Variants in IPO7 observed in about 807,000 individuals in gnomAD.
IPO7 encodes importin-7.
Under a neutral mutation model 136.4 loss-of-function variants are expected in IPO7, and 13 were observed. The observed-to-expected ratio is 0.10, with a 90% confidence interval of 0.06 to 0.15. The LOEUF (loss-of-function observed/expected upper bound fraction) is 0.15. Among genes scored for constraint, IPO7 ranks in the 10% least tolerant of loss-of-function variants. IPO7 has a pLI of 1.00. For synonymous variants in IPO7, 403 were observed against 404.4 expected (o/e 1.00, Z 0.04); for missense variants, 857 against 1,240.6 (o/e 0.69, Z 4.65).
chr11:9,408,821 C>T (rs950768376), intron 3 of IPO7, among the ~76,000 whole-genome samples, 182 bp downstream of exon 3: 2 of 147,398 alleles, frequency 1.4e-5, no homozygotes, highest in Admixed American at 1.4e-4. Context: ...AAGCAATTCT[C>T]CTGCCTCTCA....
At chr11:9,405,343 T>G (rs1854867157) in intron 2 of IPO7, among the ~76,000 whole-genome samples, 1 of 151,922 alleles carries the variant, frequency 6.6e-6, no homozygotes, top group Non-Finnish European at 1.5e-5. Flanking sequence ...CCCGGCTAAT[T>G]CTTTGTATTT....
intron 24 of IPO7, among the ~76,000 whole-genome samples, chr11:9,442,635 A>G (rs2079975559): frequency 6.6e-6 from 1 of 152,036 alleles, no homozygotes; most frequent in African/African-American, 2.4e-5. Flanking sequence ...GGATGGTATC[A>G]ATCTCCTGAC....
intron 15 of IPO7, 127 bp downstream of exon 15, chr11:9,429,961 C>T (rs1855269489): frequency 3.3e-6 from 2 of 611,884 alleles, no homozygotes; most frequent in East Asian, 6.0e-5. Flanking sequence ...GGATCGGTTT[C>T]ATGGAAGATA....
rs1161093768 is a variant in IPO7 at position 9,436,372 on chromosome 11, T to A, written c.2268+6T>A. 1 of 1,590,212 alleles carries A rather than the reference T, an allele frequency of 6.3e-7. No individual in the cohort carries two copies. Among genetic ancestry groups the A allele is most frequent in the Admixed American group, 1.7e-5 (1 of 59,200 alleles). ...AAGGGCGTGGCATTGACCAGGTCAG[T>A]GAAGCTAATAATGATTTGTAGTTCA... On this transcript the variant is annotated splice_donor_region_variant and intron_variant, in intron 20 of 24. Coordinates refer to ENST00000379719, the MANE Select transcript of IPO7 (RefSeq NM_006391.3).
At chr11:9,423,956 G>A (rs950551745) in intron 10 of IPO7, 80 bp downstream of exon 10, 23 of 740,730 alleles carry the variant, frequency 3.1e-5, no homozygotes, top group Middle Eastern at 2.3e-4. Context: ...AACCTAGGGG[G>A]TATTATGTAT....
chr11:9,431,951 G>T (rs1339461789), intron 16 of IPO7, among the ~76,000 whole-genome samples: 1 of 152,082 alleles, frequency 6.6e-6, no homozygotes, highest in Admixed American at 6.6e-5. Context: ...CTCCAGCCTG[G>T]GCGACAGAGT....
intron 13 of IPO7, 145 bp from the exon 14 acceptor site, chr11:9,428,886 C>G (rs760561880): frequency 1.2e-6 from 1 of 820,068 alleles, no homozygotes; most frequent in Non-Finnish European, 2.2e-6. Context: ...AACTTGGGAT[C>G]ATAGTACTGG....
chr11:9,397,361 T>TATATATATATATATATTAATATTA (rs377148636), intron 1 of IPO7, among the ~76,000 whole-genome samples: 3 of 42,276 alleles, frequency 7.1e-5, no homozygotes, highest in Non-Finnish European at 1.2e-4. Context: ...TATATATATA[T>TATATATATATATATATTAATATTA]ATATTAGTCG....
At chr11:9,389,099 G>A (rs151116037) in intron 1 of IPO7, among the ~76,000 whole-genome samples, 3,997 of 151,960 alleles carry the variant, frequency 0.026, 86 homozygotes, top group Middle Eastern at 0.11. Context: ...GGTTGCCCAG[G>A]CTAGAGTGCG....
At chr11:9,390,131 TC>T (rs1176760744) in intron 1 of IPO7, among the ~76,000 whole-genome samples, 1 of 152,186 alleles carries the variant, frequency 6.6e-6, no homozygotes, top group African/African-American at 2.4e-5. Context: ...CCTCAGGTGA[TC>T]CGTCCGTCTT....
At chr11:9,420,964 A>T (rs1223270739) in intron 8 of IPO7, among the ~76,000 whole-genome samples, 1 of 152,136 alleles carries the variant, frequency 6.6e-6, no homozygotes. Flanking sequence ...CAGGCCTATT[A>T]TATGTTAAGA....
At chr11:9,388,804 G>T (rs1378218530) in intron 1 of IPO7, among the ~76,000 whole-genome samples, 1 of 152,110 alleles carries the variant, frequency 6.6e-6, no homozygotes, top group Non-Finnish European at 1.5e-5. Context: ...GCCTCAAGCA[G>T]CGTCCTCCCA....
At chr11:9,419,066 G>C (rs146616291) in intron 6 of IPO7, among the ~76,000 whole-genome samples, 2 of 152,166 alleles carry the variant, frequency 1.3e-5, no homozygotes, top group East Asian at 3.9e-4. Context: ...ACATTCTTAC[G>C]TGTCTTTTTG....
chr11:9,397,365 T>TATATATATA (rs1564992067), intron 1 of IPO7, among the ~76,000 whole-genome samples: 14 of 94,744 alleles, frequency 1.5e-4, no homozygotes, highest in Non-Finnish European at 1.8e-4. Context: ...TATATATATA[T>TATATATATA]TAGTCGGGCA....
chr11:9,422,775 C>T (rs897799153), intron 8 of IPO7, among the ~76,000 whole-genome samples: 3 of 152,124 alleles, frequency 2.0e-5, no homozygotes, highest in African/African-American at 7.2e-5. Context: ...TAGTGAGACA[C>T]TGTCTCTAAC....
rs1855285694 is a variant in IPO7, at chr11:9,430,973, A to G, written c.1851A>G (p.Thr617=). 3 of 1,612,206 alleles carry G rather than the reference A, an allele frequency of 1.9e-6. No homozygotes were observed. Among genetic ancestry groups the G allele is most frequent in the East Asian group, 4.5e-5 (2 of 44,848 alleles). ...TAMGILNTID[T]LLSVVEDHKE... ...TGGGAATTCTGAATACAATTGATAC[A>G]CTTCTTAGTGTAGTTGAAGATCATA... The change falls in exon 16 of 25, where the codon ACA becomes ACG. Residue 617 remains threonine, a synonymous_variant. Coordinates refer to ENST00000379719, the MANE Select transcript of IPO7 (RefSeq NM_006391.3).
intron 6 of IPO7, among the ~76,000 whole-genome samples, chr11:9,419,898 A>C (rs1855103028): frequency 6.6e-6 from 1 of 152,174 alleles, no homozygotes; most frequent in Non-Finnish European, 1.5e-5. Context: ...ATCTTGGCTA[A>C]AATGTTTGGC....
chr11:9,440,904 A>T (rs1482655140), intron 23 of IPO7, among the ~76,000 whole-genome samples: 3 of 152,234 alleles, frequency 2.0e-5, no homozygotes, highest in African/African-American at 7.2e-5. Flanking sequence ...TCAAAAAAGT[A>T]TACAGTGACA....
At chr11:9,397,361 T>TATATATATATATATTAATATTA (rs377148636) in intron 1 of IPO7, among the ~76,000 whole-genome samples, 6 of 42,282 alleles carry the variant, frequency 1.4e-4, no homozygotes, top group Non-Finnish European at 2.4e-4. Context: ...TATATATATA[T>TATATATATATATATTAATATTA]ATATTAGTCG....
Sources: allele counts gnomAD v4.1 joint callset (sites outside exome capture counted in the v4.1 genomes callset), GRCh38; gene constraint gnomAD v4.1.1; transcripts MANE v1.5; gene names NCBI Gene and HGNC (gene_info 2026-07-23, HGNC 2026-07-21).